The following TEFM variants were observed in gnomAD, a reference collection of about 807,000 sequenced individuals.
The protein encoded by TEFM is transcription elongation factor of mitochondria.
Under a neutral mutation model 23.0 loss-of-function variants are expected in TEFM, and 14 were observed. That is an observed-to-expected ratio of 0.61 (90% CI 0.40 to 0.95). The LOEUF is 0.95. Among genes scored for constraint, TEFM ranks in the 40% least tolerant of loss-of-function variants. TEFM has a pLI of 0.00. For synonymous variants in TEFM, 155 were observed against 158.3 expected, an observed-to-expected ratio of 0.98 and a Z score of 0.16; for missense variants, 386 against 425.5, an observed-to-expected ratio of 0.91 and a Z score of 0.82.
At chr17:30,903,695 A>G (rs904671207) in intron 2 of TEFM, among the ~76,000 whole-genome samples, 1 of 152,090 alleles carries the variant, frequency 6.6e-6, no homozygotes, top group Non-Finnish European at 1.5e-5. Flanking sequence ...ATTAATCCTA[A>G]CATCACCCTT....
rs188620190 is a variant in TEFM at position 30,900,346 on chromosome 17, G to A, written c.645+67C>T. The A allele has an allele frequency of 1.1e-4, 163 of 1,467,636 alleles. No homozygotes were observed. In the African/African-American group the frequency reaches 2.1e-3, roughly 19 times the overall value. The allele number at this position is 1,467,636 out of a possible 1,614,324, so 90.9% of individuals were successfully genotyped here. On this transcript the variant is annotated intron_variant, in intron 3 of 3. Coordinates refer to ENST00000581216, the MANE Select transcript of TEFM (RefSeq NM_024683.4). Reference sequence around the variant, plus strand: ...TTTACTATTTTATTACATTCCTTTTGGGACCAGAAGATTAAACTACACAAG... The same window carrying A: ...TTTACTATTTTATTACATTCCTTTTAGGACCAGAAGATTAAACTACACAAG...
At chr17:30,905,366 C>T (rs1242653842) in intron 1 of TEFM, among the ~76,000 whole-genome samples, 2 of 151,898 alleles carry the variant, frequency 1.3e-5, no homozygotes, top group Admixed American at 6.6e-5. Flanking sequence ...ACTAATAATA[C>T]AAAATTAGCC....
Position 30,899,245 on chromosome 17 carries a change from CT to C in TEFM, c.1006del (p.Arg336GlufsTer2), listed in dbSNP as rs766710750. ...RQMFLSTELQ[R>X]VEELYDSLLQ... ...TAATGAATCATAAAGCTCTTCTACTCTTTGTAGTTCAGTAGATAAAAACATC... is the reference window on the plus strand; with the variant it reads ...TAATGAATCATAAAGCTCTTCTACTCTTGTAGTTCAGTAGATAAAAACATC... On this transcript the variant is annotated frameshift_variant, in exon 4 of 4. Transcript: ENST00000581216. LOFTEE classifies it high-confidence loss of function. 1 of 1,614,022 alleles carries C rather than the reference CT, an allele frequency of 6.2e-7. No individual in the cohort carries two copies. Among genetic ancestry groups the C allele is most frequent in the Non-Finnish European group, 8.5e-7 (1 of 1,179,924 alleles).
rs765091342 is a variant in TEFM at position 30,899,132 on chromosome 17, G to A, written c.*37C>T. 4 of 1,486,620 alleles carry A rather than the reference G, an allele frequency of 2.7e-6. No individual in the cohort carries two copies. 92.1% of individuals were successfully genotyped at this position (1,486,620 alleles called of 1,614,324 possible). A position where few individuals can be genotyped will look rare whatever the true frequency, so the allele number is the denominator to read the frequency against. On this transcript the variant is annotated 3_prime_UTR_variant, in exon 4 of 4. Coordinates refer to ENST00000581216, the MANE Select transcript of TEFM (RefSeq NM_024683.4). ...TCACAACAGTTGGTGTTACGTTAGA[G>A]CTAATAATTATACTTTAGCACGTTA...
intron 1 of TEFM, 125 bp from the exon 2 acceptor site, chr17:30,904,654 C>A: frequency 1.8e-5 from 11 of 623,108 alleles, no homozygotes; most frequent in Non-Finnish European, 3.0e-5. Flanking sequence ...TAATAGAGGA[C>A]AATATTAAAT....
rs1427256005 is a variant in TEFM at position 30,900,561 on chromosome 17, G to A, written c.497C>T (p.Ala166Val). 6.2e-7 allele frequency: 1 copy of A among 1,608,482 alleles called. No individual in the cohort carries two copies. Among genetic ancestry groups the A allele is most frequent in the African/African-American group, 1.3e-5 (1 of 74,548 alleles). ...AACGATAGATATGATACTATTAACT[G>A]CCTAAAAGAAAAGACTGATTTAATT... ...KPDIERERLKAVNSIISIVFG... is the reference protein window; with the variant it reads ...KPDIERERLKVVNSIISIVFG... Residue 166 changes from alanine (A) to valine (V), a missense_variant and splice_region_variant, in exon 3 of 4, where the codon GCA becomes GTA. Ala to Val is a moderately conservative substitution (Grantham distance 64, BLOSUM62 0). Coordinates refer to ENST00000581216, the MANE Select transcript of TEFM (RefSeq NM_024683.4).
chr17:30,904,519 T>C lies in TEFM; in HGVS notation c.42A>G (p.Arg14=). The part of the protein sequence containing the change: ...SVLFTAGERW[R]CFLTPSRSSL... ...ATGACCTCGACGGGGTCAGAAAGCA[T>C]CTCCACCTCTCTAAAAGGAAAATTT... The change falls in exon 2 of 4, where the codon AGA becomes AGG. Residue 14 remains arginine, a synonymous_variant. Coordinates refer to ENST00000581216, the MANE Select transcript of TEFM (RefSeq NM_024683.4). 3 of 1,593,730 alleles carry C rather than the reference T, an allele frequency of 1.9e-6. No homozygotes were observed. Among genetic ancestry groups the C allele is most frequent in the Non-Finnish European group, 2.6e-6 (3 of 1,171,076 alleles).
chr17:30,901,753 A>G (rs569661859), intron 2 of TEFM, among the ~76,000 whole-genome samples: 93 of 152,258 alleles, frequency 6.1e-4, no homozygotes, highest in Non-Finnish European at 1.2e-3. Context: ...ACATTTCAGA[A>G]AAATCACTGA....
chr17:30,903,480 C>G (rs1197059387), intron 2 of TEFM, among the ~76,000 whole-genome samples: 1 of 148,514 alleles, frequency 6.7e-6, no homozygotes, highest in Non-Finnish European at 1.5e-5. Flanking sequence ...CCGCTTTGGC[C>G]TCCCAAAGTG....
rs775819089 is a variant in TEFM, at chr17:30,904,428, G to A, written c.133C>T (p.Pro45Ser). Residue 45 changes from proline to serine, a missense_variant, in exon 2 of 4, where the codon CCC (proline) becomes TCC (serine). Physicochemically the swap from Pro to Ser is moderately conservative, Grantham distance 74 (BLOSUM62 -1). Transcript: ENST00000581216. Reference sequence around the variant, plus strand: ...TTTTCATCACAAAAAGTAACATTGGGAGTAATTTTCTTAGGTGTAGTGGAT... The same window carrying A: ...TTTTCATCACAAAAAGTAACATTGGAAGTAATTTTCTTAGGTGTAGTGGAT... ...KKSTTPKKITPNVTFCDENAK... is the reference protein window; with the variant it reads ...KKSTTPKKITSNVTFCDENAK... 1.2e-6 allele frequency: 2 copies of A among 1,614,150 alleles called. No homozygotes were observed. The highest frequency in any genetic ancestry group is 1.7e-6 in the Non-Finnish European group (2 of 1,180,024).
intron 3 of TEFM, chr17:30,900,099 CA>C: frequency 2.5e-6 from 1 of 402,092 alleles, no homozygotes. Flanking sequence ...TTTGAAAACT[CA>C]AATGAGACAA....
At chr17:30,902,671 G>A (rs1910067953) in intron 2 of TEFM, among the ~76,000 whole-genome samples, 1 of 152,126 alleles carries the variant, frequency 6.6e-6, no homozygotes, top group South Asian at 2.1e-4. Context: ...CTGTGTATAT[G>A]TGCTATATCT....
intron 2 of TEFM, 176 bp downstream of exon 2, chr17:30,903,890 C>T: frequency 1.8e-6 from 1 of 569,704 alleles, no homozygotes; most frequent in Non-Finnish European, 3.0e-6. Flanking sequence ...ATTGTTTTCT[C>T]TCCTCTCAAC....
chr17:30,902,286 A>C (rs949141598), intron 2 of TEFM, among the ~76,000 whole-genome samples: 1 of 151,390 alleles, frequency 6.6e-6, no homozygotes, highest in Non-Finnish European at 1.5e-5. Context: ...TAAATATCTT[A>C]AAGACAAAAT....
intron 1 of TEFM, 152 bp from the exon 2 acceptor site, chr17:30,904,681 C>CT (rs200219653): frequency 0.15 from 67,802 of 461,030 alleles, 1,494 homozygotes; most frequent in African/African-American, 0.27. Flanking sequence ...GGAGAATCAT[C>CT]TTTTTTTTTT....
At chr17:30,901,499 G>C (rs764393008) in intron 2 of TEFM, among the ~76,000 whole-genome samples, 2 of 152,188 alleles carry the variant, frequency 1.3e-5, no homozygotes, top group Non-Finnish European at 2.9e-5. Flanking sequence ...CTATTGTAGA[G>C]AGAAGTGGTC....
intron 1 of TEFM, 144 bp downstream of exon 1, chr17:30,906,024 T>G (rs1353281100): frequency 8.0e-7 from 1 of 1,253,322 alleles, no homozygotes; most frequent in Non-Finnish European, 1.2e-6. Context: ...CCGTATTCCA[T>G]TAGCCTCTAG....
rs1477430870 is a variant in TEFM, at chr17:30,899,278, T to C, written c.974A>G (p.Tyr325Cys). 2.5e-6 allele frequency: 4 copies of C among 1,614,104 alleles called. No individual in the cohort carries two copies. The stretch of plus-strand genomic sequence containing the variant: ...TTCAGTAGATAAAAACATCTGTCTG[T>C]AGTGAACTATTTTATCTGATGGGAA... ...VFFPSDKIVH[Y>C]RQMFLSTELQ... The change falls in exon 4 of 4, where the codon TAC (tyrosine) becomes TGC (cysteine). Residue 325 changes from tyrosine (Y) to cysteine (C), a missense_variant. By Grantham distance (194) the Tyr-to-Cys change is radical. Transcript: ENST00000581216.
chr17:30,900,128 A>C, intron 3 of TEFM: 1 of 419,676 alleles, frequency 2.4e-6, no homozygotes, highest in Non-Finnish European at 4.2e-6. Flanking sequence ...GCATTTTGAA[A>C]AATAAGCTTT....
Sources: gnomAD v4.1 joint callset for allele counts (sites outside exome capture counted in the v4.1 genomes callset) on GRCh38, gnomAD v4.1.1 for gene constraint, MANE v1.5 for transcripts, NCBI Gene and HGNC (gene_info 2026-07-23, HGNC 2026-07-21) for gene names.